The following TMCO1 variants were observed in gnomAD, a reference collection of about 807,000 sequenced individuals.
TMCO1 encodes calcium load-activated calcium channel.
Under a neutral mutation model 29.3 loss-of-function variants are expected in TMCO1, and 29 were observed. The ratio of observed to expected loss-of-function variants is 0.99; its 90% CI spans 0.74 to 1.35. TMCO1 has a LOEUF of 1.35. Ranked by LOEUF, TMCO1 falls within the 40% of genes most tolerant of loss-of-function variation. The pLI is 0.00. For synonymous variants in TMCO1, 80 were observed against 77.1 expected (o/e 1.04, Z -0.20); for missense variants, 173 against 225.5 (o/e 0.77, Z 1.49).
At position 165,768,819 on chromosome 1, in the gene TMCO1, C is replaced by A. The variant is rs778089145; in HGVS notation, c.-68G>T. The A allele has an allele frequency of 2.8e-5, 45 of 1,608,420 alleles. No homozygotes were observed. The highest frequency in any genetic ancestry group is 3.7e-5 in the Non-Finnish European group (44 of 1,177,260). On this transcript the variant is annotated 5_prime_UTR_variant, in exon 1 of 7. Transcript: ENST00000367881. ...CGCTCTACAGCCAGGAAAAGTGAAG[C>A]GAAAACGGCTTCCGTAGACTCCGCC...
chr1:165,725,661 G>A (rs539446234), downstream of TMCO1: 5 of 453,984 alleles, frequency 1.1e-5, no homozygotes, highest in East Asian at 7.0e-5. Context: ...CCAATGATCT[G>A]GTGATGCTGT....
At chr1:165,760,237 C>T (rs1048078383) in intron 2 of TMCO1, among the ~76,000 whole-genome samples, 6 of 151,742 alleles carry the variant, frequency 4.0e-5, no homozygotes, top group Admixed American at 1.3e-4. Context: ...ACCAGCCTGG[C>T]CAACATATAG....
downstream of TMCO1, chr1:165,725,954 C>T (rs1277709281): frequency 4.5e-6 from 3 of 662,124 alleles, no homozygotes; most frequent in Middle Eastern, 4.0e-4. Context: ...TTATTCCTTA[C>T]CATGGAAACA....
At chr1:165,740,148 T>C (rs1017676430) in intron 6 of TMCO1, among the ~76,000 whole-genome samples, 3 of 150,902 alleles carry the variant, frequency 2.0e-5, no homozygotes, top group African/African-American at 7.3e-5. Flanking sequence ...AAACTCAGAA[T>C]TGCTCTTTGT....
chr1:165,756,500 CA>C (rs1308001504), intron 3 of TMCO1, among the ~76,000 whole-genome samples: 1 of 152,092 alleles, frequency 6.6e-6, no homozygotes, highest in Non-Finnish European at 1.5e-5. Context: ...TACAACAAAA[CA>C]AACTATATAA....
Position 165,727,722 on chromosome 1 carries a change from C to T in TMCO1, c.*301G>A, listed in dbSNP as rs1456641509. Reference sequence around the variant, plus strand: ...CATACACAGTGCCTTGAGAGTCGGTCCCACAGAAAATACTTATGTAAATGA... The same window carrying T: ...CATACACAGTGCCTTGAGAGTCGGTTCCACAGAAAATACTTATGTAAATGA... On this transcript the variant is annotated 3_prime_UTR_variant, in exon 7 of 7. Transcript: ENST00000367881. 1 of 455,968 alleles carries T rather than the reference C, an allele frequency of 2.2e-6. No homozygotes were observed. Among genetic ancestry groups the T allele is most frequent in the East Asian group, 6.9e-5 (1 of 14,560 alleles). The allele number at this position is 455,968 out of a possible 1,614,324, so 28.2% of individuals were successfully genotyped here. A position where few individuals can be genotyped will look rare whatever the true frequency, so the allele number is the denominator to read the frequency against.
intron 6 of TMCO1, among the ~76,000 whole-genome samples, chr1:165,732,708 G>C (rs1651217990): frequency 6.6e-6 from 1 of 151,868 alleles, no homozygotes; most frequent in African/African-American, 2.4e-5. Flanking sequence ...GCATATGTGG[G>C]GGCAAGGCAT....
rs765612486 is a variant in TMCO1, at chr1:165,768,295, A to C, written c.71-26T>G. On this transcript the variant is annotated intron_variant, in intron 1 of 6. Coordinates refer to ENST00000367881, the MANE Select transcript of TMCO1 (RefSeq NM_019026.6). The stretch of plus-strand genomic sequence containing the variant: ...CTAAAACATTAAAAGCAACATGTTA[A>C]TAGAGAAATGACTGGAATGATCACA... 13 of 1,598,162 alleles carry C rather than the reference A, an allele frequency of 8.1e-6. No individual in the cohort carries two copies. In the South Asian group the frequency reaches 1.3e-4, roughly 16 times the overall value.
chr1:165,726,250 C>T (rs1034994405), downstream of TMCO1: 2 of 699,036 alleles, frequency 2.9e-6, no homozygotes, highest in African/African-American at 1.8e-5. Context: ...TATCAGACAT[C>T]CTTCTGATAA....
In TMCO1 at chr1:165,768,654, C is replaced by A; in HGVS notation, c.70+28G>T. On this transcript the variant is annotated intron_variant, in intron 1 of 6. Coordinates refer to ENST00000367881, the MANE Select transcript of TMCO1 (RefSeq NM_019026.6). ...GGGGCCCTTCCTCCCGGGGACTGAT[C>A]AAACGTCTGAGAAATACCCGCTCTC... The A allele has an allele frequency of 1.9e-6, 3 of 1,614,010 alleles. No homozygotes were observed. The South Asian group carries it at 3.3e-5, about 18-fold the overall frequency.
chr1:165,746,676 A>G (rs1651811008), intron 5 of TMCO1, among the ~76,000 whole-genome samples: 1 of 152,172 alleles, frequency 6.6e-6, no homozygotes, highest in South Asian at 2.1e-4. Flanking sequence ...AATTTCATAA[A>G]TATCATAGCA....
chr1:165,754,969 G>A (rs1349355667), intron 3 of TMCO1: 1 of 152,218 alleles, frequency 6.6e-6, no homozygotes, highest in Non-Finnish European at 1.5e-5. Flanking sequence ...GCTCCAGCCT[G>A]GGCGATAGGG....
intron 5 of TMCO1, among the ~76,000 whole-genome samples, chr1:165,750,553 G>A (rs57380661): frequency 0.037 from 3,648 of 99,728 alleles, 39 homozygotes; most frequent in African/African-American, 0.062. Context: ...AAAAAAAAAA[G>A]AAAAAAAAAA....
At chr1:165,758,350 G>A (rs907143163) in intron 3 of TMCO1, among the ~76,000 whole-genome samples, 2 of 152,124 alleles carry the variant, frequency 1.3e-5, no homozygotes, top group African/African-American at 4.8e-5. Flanking sequence ...GAGGTCAGGA[G>A]TTCGAGACCA....
intron 4 of TMCO1, among the ~76,000 whole-genome samples, chr1:165,753,086 G>T (rs1652059836): frequency 6.6e-6 from 1 of 152,120 alleles, no homozygotes; most frequent in East Asian, 1.9e-4. Flanking sequence ...CTCAAATAAA[G>T]CCTACTCTTA....
At position 165,768,209 on chromosome 1, in the gene TMCO1, TC is replaced by T. The variant is rs756249629; in HGVS notation, c.130del (p.Glu44LysfsTer14). 7 of 1,614,052 alleles carry T rather than the reference TC, an allele frequency of 4.3e-6. No homozygotes were observed. Among genetic ancestry groups the T allele is most frequent in the Non-Finnish European group, 5.9e-6 (7 of 1,179,968 alleles). On this transcript the variant is annotated frameshift_variant, in exon 2 of 7. Transcript: ENST00000367881. LOFTEE classifies it high-confidence loss of function. Reference sequence around the variant, plus strand: ...ATACTCACATTTTTTACTCTGTTTTTCCACTTCTGCCTTCAGTCTCTTGTAC... The same window carrying T: ...ATACTCACATTTTTTACTCTGTTTTTCACTTCTGCCTTCAGTCTCTTGTAC... Reference protein sequence around the residue: ...DKYKRLKAEVEKQSKKLEKKK... With the variant: ...DKYKRLKAEVXKQSKKLEKKK...
chr1:165,725,681 G>C (rs6426937), downstream of TMCO1: 263,947 of 453,720 alleles, frequency 0.58, 78,534 homozygotes, highest in South Asian at 0.74. Flanking sequence ...TGGACCTAGA[G>C]TGTCATCCAA....
chr1:165,754,016 C>A (rs1403751525), intron 4 of TMCO1, among the ~76,000 whole-genome samples: 1 of 152,104 alleles, frequency 6.6e-6, no homozygotes, highest in Non-Finnish European at 1.5e-5. Context: ...ACCTCTGAGA[C>A]AGTCTAAAAA....
At chr1:165,746,953 AAAT>A (rs1211212461) in intron 5 of TMCO1, among the ~76,000 whole-genome samples, 4 of 152,250 alleles carry the variant, frequency 2.6e-5, no homozygotes, top group Admixed American at 2.6e-4. Flanking sequence ...TCCAATTAGA[AAAT>A]AAAATCACAA....
Sources: allele counts gnomAD v4.1 joint callset (sites outside exome capture counted in the v4.1 genomes callset), GRCh38; gene constraint gnomAD v4.1.1; transcripts MANE v1.5; gene names NCBI Gene and HGNC (gene_info 2026-07-23, HGNC 2026-07-21).